The following SH3RF3 variants were observed in gnomAD, a reference collection of about 807,000 sequenced individuals.
The protein encoded by SH3RF3 is E3 ubiquitin-protein ligase SH3RF3.
SH3RF3 carries 29 observed loss-of-function variants against 66.3 expected under a neutral mutation model. The ratio of observed to expected loss-of-function variants is 0.44; its 90% CI spans 0.33 to 0.60. The LOEUF (loss-of-function observed/expected upper bound fraction) is 0.60. Ranked by LOEUF, SH3RF3 falls within the 20% of genes least tolerant of loss-of-function variation. The probability of loss-of-function intolerance (pLI) is 0.04; values close to 1 mark genes in which losing one functional copy is unlikely to be tolerated. For synonymous variants in SH3RF3, 583 were observed against 532.0 expected, an observed-to-expected ratio of 1.10 and a Z score of -1.32; for missense variants, 1,194 against 1,190.9, an observed-to-expected ratio of 1.00 and a Z score of -0.04.
At chr2:109,405,470 C>T (rs4676289) in intron 4 of SH3RF3, among the ~76,000 whole-genome samples, 67,188 of 151,954 alleles carry the variant, frequency 0.44, 15,132 homozygotes, top group Middle Eastern at 0.5. Context: ...TGTCCATTCC[C>T]GTGAGCCTGT....
chr2:109,500,105 AGTCGATTCTTTTGGCTGCC>A (rs1227162894), intron 9 of SH3RF3, among the ~76,000 whole-genome samples: 1 of 152,178 alleles, frequency 6.6e-6, no homozygotes, highest in African/African-American at 2.4e-5. Context: ...TGGAACCCAC[AGTCGATTCTTTTGGCTGCC>A]GTGAGGTTTC....
intron 1 of SH3RF3, among the ~76,000 whole-genome samples, chr2:109,203,416 C>T (rs1678732391): frequency 6.6e-6 from 1 of 152,186 alleles, no homozygotes. Context: ...ACGAGCGCAT[C>T]ACCTGTGGTC....
intron 1 of SH3RF3, among the ~76,000 whole-genome samples, chr2:109,192,082 G>A (rs1678380430): frequency 1.3e-5 from 2 of 152,080 alleles, no homozygotes; most frequent in African/African-American, 2.4e-5. Flanking sequence ...TTTGCAAACC[G>A]AGCGACAGAA....
chr2:109,220,648 C>A (rs540702798), intron 1 of SH3RF3, among the ~76,000 whole-genome samples: 2 of 152,226 alleles, frequency 1.3e-5, no homozygotes, highest in African/African-American at 2.4e-5. Flanking sequence ...TACAAATGGC[C>A]AGTAAGCACA....
intron 8 of SH3RF3, among the ~76,000 whole-genome samples, chr2:109,455,096 C>T (rs541813881): frequency 3.3e-5 from 5 of 152,284 alleles, no homozygotes; most frequent in East Asian, 1.9e-4. Context: ...CACACAGCAT[C>T]GGCAGTGGAG....
At chr2:109,309,524 A>G (rs1317047957) in intron 1 of SH3RF3, among the ~76,000 whole-genome samples, 1 of 129,016 alleles carries the variant, frequency 7.8e-6, no homozygotes, top group Non-Finnish European at 1.6e-5. Context: ...ATGTAAATGG[A>G]CTAAATGCTC....
chr2:109,264,278 GC>G (rs892756811), intron 1 of SH3RF3, among the ~76,000 whole-genome samples: 1 of 141,052 alleles, frequency 7.1e-6, no homozygotes, highest in Non-Finnish European at 1.5e-5. Flanking sequence ...GTCTGTGGGT[GC>G]CCCCATCCAC....
At chr2:109,188,370 C>T (rs1005639601) in intron 1 of SH3RF3, among the ~76,000 whole-genome samples, 8 of 152,226 alleles carry the variant, frequency 5.3e-5, no homozygotes, top group Admixed American at 5.2e-4. Context: ...TGATCACCAC[C>T]TCCAGGGTTG....
intron 1 of SH3RF3, among the ~76,000 whole-genome samples, chr2:109,287,014 T>C (rs1463314223): frequency 6.6e-6 from 1 of 152,212 alleles, no homozygotes; most frequent in Non-Finnish European, 1.5e-5. Context: ...GTCCCTGTGC[T>C]CAGCTCTGCA....
At chr2:109,349,514 G>A (rs1682794656) in intron 2 of SH3RF3, among the ~76,000 whole-genome samples, 1 of 152,136 alleles carries the variant, frequency 6.6e-6, no homozygotes, top group Admixed American at 6.5e-5. Flanking sequence ...CCCCCTAAGA[G>A]AAGACCTGGG....
chr2:109,411,973 G>T lies in SH3RF3; in HGVS notation c.1300-7566G>T, dbSNP rs553640985. 5.1e-4 allele frequency among the ~76,000 whole-genome samples: 78 copies of T among 152,308 alleles called. 1 individual carries two copies. The highest frequency in any genetic ancestry group is 1.9e-3 in the African/African-American group (77 of 41,574). On this transcript the variant is annotated intron_variant, in intron 4 of 9. Transcript: ENST00000309415. ...TGTCTTTAGGGACAGCCTGTGTCAG[G>T]GTGGCCAAGGCCCCAGACCCCTGAA... is the stretch of plus-strand genomic sequence containing the variant.
At chr2:109,368,918 G>C (rs535929170) in intron 2 of SH3RF3, among the ~76,000 whole-genome samples, 2 of 150,386 alleles carry the variant, frequency 1.3e-5, no homozygotes, top group Admixed American at 1.3e-4. Flanking sequence ...ATCTGAGCTG[G>C]GCCAATCATG....
intron 4 of SH3RF3, among the ~76,000 whole-genome samples, chr2:109,415,890 A>T (rs1210910285): frequency 6.6e-6 from 1 of 152,108 alleles, no homozygotes; most frequent in East Asian, 1.9e-4. Context: ...GGCCTTTAAA[A>T]GGCAATTAGG....
chr2:109,443,233 G>T (rs1023030977), intron 7 of SH3RF3, among the ~76,000 whole-genome samples: 3 of 152,244 alleles, frequency 2.0e-5, no homozygotes, highest in Non-Finnish European at 4.4e-5. Context: ...GGTTCAGAAG[G>T]ATTAAGTGGC....
intron 8 of SH3RF3, among the ~76,000 whole-genome samples, chr2:109,459,033 G>A (rs1175676976): frequency 6.6e-6 from 1 of 152,076 alleles, no homozygotes; most frequent in African/African-American, 2.4e-5. Context: ...TGCCTAATAT[G>A]ATACAACAAG....
At chr2:109,351,119 T>C (rs1682828407) in intron 2 of SH3RF3, among the ~76,000 whole-genome samples, 1 of 152,226 alleles carries the variant, frequency 6.6e-6, no homozygotes, top group African/African-American at 2.4e-5. Flanking sequence ...TATTACTTCT[T>C]AGTAGCCCGA....
chr2:109,459,604 G>C (rs936626017), intron 8 of SH3RF3, among the ~76,000 whole-genome samples: 1 of 152,150 alleles, frequency 6.6e-6, no homozygotes, highest in African/African-American at 2.4e-5. Context: ...GTGCAGTCCA[G>C]TTTCCCACGG....
intron 1 of SH3RF3, among the ~76,000 whole-genome samples, chr2:109,298,035 T>C (rs1681363107): frequency 6.6e-6 from 1 of 152,148 alleles, no homozygotes; most frequent in Non-Finnish European, 1.5e-5. Context: ...TGTGGTGCAG[T>C]GTGGGAACGT....
chr2:109,151,808 T>C (rs751093181), intron 1 of SH3RF3, among the ~76,000 whole-genome samples: 2 of 152,246 alleles, frequency 1.3e-5, no homozygotes, highest in Non-Finnish European at 2.9e-5. Context: ...TCTAATAGAT[T>C]TGCATCTGCA....
Sources: allele counts gnomAD v4.1 joint callset (sites outside exome capture counted in the v4.1 genomes callset), GRCh38; gene constraint gnomAD v4.1.1; transcripts MANE v1.5; gene names NCBI Gene and HGNC (gene_info 2026-07-23, HGNC 2026-07-21).